Variants in CEP112 observed in about 807,000 individuals in gnomAD.
The protein encoded by CEP112 is centrosomal protein 112.
A neutral mutation model predicts 153.0 loss-of-function variants in CEP112; 127 were observed. That is an observed-to-expected ratio of 0.83 (90% CI 0.72 to 0.96). The LOEUF is 0.96. CEP112 is among the 40% of genes least tolerant of loss of function. CEP112 has a pLI of 0.00. For missense variants in CEP112, 1,089 were observed against 1,101.2 expected, an observed-to-expected ratio of 0.99 and a Z score of 0.16; for synonymous variants, 358 against 374.4, an observed-to-expected ratio of 0.96 and a Z score of 0.51.
Position 66,153,865 on chromosome 17 carries a change from C to A in CEP112, c.471-21102G>T, listed in dbSNP as rs915954967. 3.3e-5 allele frequency among the ~76,000 whole-genome samples: 5 copies of A among 152,116 alleles called. No homozygotes were observed. The South Asian group carries it at 1.0e-3, about 32-fold the overall frequency. On this transcript the variant is annotated intron_variant, in intron 4 of 26. Coordinates refer to ENST00000535342, the MANE Select transcript of CEP112 (RefSeq NM_001199165.4). Reference sequence around the variant, plus strand: ...CACACAAACAAGATCTCCTGGTTTACACAAATGGTGCCAAGGGCCGGGTGT... The same window carrying A: ...CACACAAACAAGATCTCCTGGTTTAAACAAATGGTGCCAAGGGCCGGGTGT...
intron 18 of CEP112, among the ~76,000 whole-genome samples, chr17:65,930,334 G>T (rs1165092111): frequency 6.6e-6 from 1 of 152,122 alleles, no homozygotes; most frequent in Non-Finnish European, 1.5e-5. Flanking sequence ...AGACTTTAAG[G>T]TTCTAGGAAC....
At chr17:65,931,267 G>A (rs73349006) in intron 18 of CEP112, among the ~76,000 whole-genome samples, 9,874 of 152,210 alleles carry the variant, frequency 0.065, 468 homozygotes, top group African/African-American at 0.12. Context: ...GAAAACCTTC[G>A]TGAATATTCC....
intron 2 of CEP112, among the ~76,000 whole-genome samples, chr17:66,179,280 G>A (rs1230951322): frequency 6.6e-6 from 1 of 152,072 alleles, no homozygotes; most frequent in Non-Finnish European, 1.5e-5. Flanking sequence ...AGATTGGTTT[G>A]GGTAGTATGG....
chr17:65,967,182 G>T (rs955855593), intron 17 of CEP112, among the ~76,000 whole-genome samples: 1 of 152,152 alleles, frequency 6.6e-6, no homozygotes, highest in African/African-American at 2.4e-5. Context: ...CTTGCCCACA[G>T]GGTCAAACAC....
chr17:65,670,116 C>T (rs914912016), intron 24 of CEP112, among the ~76,000 whole-genome samples: 9 of 151,592 alleles, frequency 5.9e-5, no homozygotes, highest in African/African-American at 2.2e-4. Flanking sequence ...TAAAAATAAC[C>T]TGTTTGTCCC....
chr17:66,185,531 T>A (rs2072894209), intron 1 of CEP112, among the ~76,000 whole-genome samples: 2 of 152,310 alleles, frequency 1.3e-5, no homozygotes, highest in South Asian at 4.1e-4. Context: ...AAATTTAAAC[T>A]TTTTAATCCT....
At chr17:65,661,978 AT>A (rs1567827685) in intron 24 of CEP112, among the ~76,000 whole-genome samples, 2 of 151,500 alleles carry the variant, frequency 1.3e-5, no homozygotes, top group African/African-American at 4.9e-5. Flanking sequence ...TTATTAAAAA[AT>A]TTTTTTTGAG....
chr17:65,728,763 C>T (rs1166402298), intron 23 of CEP112, among the ~76,000 whole-genome samples: 6 of 152,056 alleles, frequency 3.9e-5, no homozygotes, highest in East Asian at 1.9e-4. Context: ...ACCTACATAG[C>T]GCACTTACCA....
At chr17:65,771,353 T>C (rs886355219) in intron 21 of CEP112, among the ~76,000 whole-genome samples, 1 of 152,136 alleles carries the variant, frequency 6.6e-6, no homozygotes, top group Non-Finnish European at 1.5e-5. Context: ...ATCCTAAATA[T>C]GTATGTACCT....
chr17:65,838,696 AG>A (rs1190495507), intron 21 of CEP112, among the ~76,000 whole-genome samples: 9 of 152,084 alleles, frequency 5.9e-5, no homozygotes, highest in African/African-American at 2.2e-4. Context: ...AAGAAAAATC[AG>A]CAAAACAAAA....
chr17:65,946,300 G>A (rs551839756), intron 18 of CEP112, among the ~76,000 whole-genome samples: 3 of 152,110 alleles, frequency 2.0e-5, no homozygotes, highest in East Asian at 3.9e-4. Flanking sequence ...AAATTTAATC[G>A]TTTTACCCTT....
At chr17:66,067,286 T>A (rs1300450064) in intron 9 of CEP112, among the ~76,000 whole-genome samples, 1 of 152,196 alleles carries the variant, frequency 6.6e-6, no homozygotes, top group Non-Finnish European at 1.5e-5. Context: ...CAAATTGGCA[T>A]TGTAGTGATT....
chr17:66,041,376 G>T (rs1198408596), intron 12 of CEP112, among the ~76,000 whole-genome samples: 2 of 152,006 alleles, frequency 1.3e-5, no homozygotes, highest in Non-Finnish European at 2.9e-5. Flanking sequence ...ACAGTGTATA[G>T]CAGGTCCTCA....
intron 11 of CEP112, among the ~76,000 whole-genome samples, chr17:66,062,630 C>T (rs185526025): frequency 2.6e-5 from 4 of 152,172 alleles, no homozygotes; most frequent in South Asian, 4.1e-4. Context: ...GGCCCAAATA[C>T]AAAATTAAAA....
At chr17:65,747,012 TTAA>T (rs1212898465) in intron 22 of CEP112, among the ~76,000 whole-genome samples, 2 of 151,948 alleles carry the variant, frequency 1.3e-5, no homozygotes, top group Non-Finnish European at 2.9e-5. Flanking sequence ...GTCATAATAG[TTAA>T]TAATAATTGT....
intron 6 of CEP112, among the ~76,000 whole-genome samples, chr17:66,106,411 G>GA (rs1222009707): frequency 6.6e-6 from 1 of 151,466 alleles, no homozygotes; most frequent in Non-Finnish European, 1.5e-5. Flanking sequence ...GATGAAGTAG[G>GA]AAAAAAAGAG....
chr17:65,827,219 C>G (rs1043295765), intron 21 of CEP112, among the ~76,000 whole-genome samples: 2 of 152,226 alleles, frequency 1.3e-5, no homozygotes, highest in Non-Finnish European at 1.5e-5. Context: ...CTTGGACTGG[C>G]TTCCCTGCTC....
intron 5 of CEP112, among the ~76,000 whole-genome samples, chr17:66,131,333 TATA>T (rs1287015743): frequency 2.0e-5 from 3 of 152,228 alleles, no homozygotes; most frequent in African/African-American, 7.2e-5. Flanking sequence ...TCTGAGTAAA[TATA>T]ATGATTGTAG....
Position 65,743,149 on chromosome 17 carries a change from T to C in CEP112, c.2526A>G (p.Ala842=). 6.2e-7 allele frequency: 1 copy of C among 1,612,812 alleles called. No individual in the cohort carries two copies. Among genetic ancestry groups the C allele is most frequent in the East Asian group, 2.2e-5 (1 of 44,888 alleles). Residue 842 remains alanine, a synonymous_variant, in exon 23 of 27, where the codon GCA becomes GCG. Transcript: ENST00000535342. ...GTCTAACATCCTGGAGCCGCCTTTC[T>C]GCAGCAAGCTGCTGCTGGCTGTTCT... The part of the protein sequence containing the change: ...KEENSQQQLA[A]ERRLQDVRQK...
Sources: gnomAD v4.1 joint callset for allele counts (sites outside exome capture counted in the v4.1 genomes callset) on GRCh38, gnomAD v4.1.1 for gene constraint, MANE v1.5 for transcripts, NCBI Gene and HGNC (gene_info 2026-07-23, HGNC 2026-07-21) for gene names.